The following GRIA1 variants were observed in gnomAD, a reference collection of about 807,000 sequenced individuals.
The protein encoded by GRIA1 is glutamate receptor 1.
Under a neutral mutation model 99.2 loss-of-function variants are expected in GRIA1, and 31 were observed. The ratio of observed to expected loss-of-function variants is 0.31; its 90% CI spans 0.23 to 0.42. GRIA1 has a LOEUF of 0.42. GRIA1 is among the 10% of genes least tolerant of loss of function. The probability of loss-of-function intolerance (pLI) is 1.00; values close to 1 mark genes in which losing one functional copy is unlikely to be tolerated. For missense variants in GRIA1, 782 were observed against 1,157.5 expected, an observed-to-expected ratio of 0.68 and a Z score of 4.71; for synonymous variants, 438 against 432.4, an observed-to-expected ratio of 1.01 and a Z score of -0.16.
intron 2 of GRIA1, among the ~76,000 whole-genome samples, chr5:153,643,005 T>C (rs868401398): frequency 2.0e-5 from 3 of 152,250 alleles, no homozygotes; most frequent in Middle Eastern, 3.4e-3. Flanking sequence ...GCACAACTCC[T>C]GCAGAGTAGT....
intron 10 of GRIA1, among the ~76,000 whole-genome samples, chr5:153,704,083 T>C (rs1018066216): frequency 9.2e-5 from 14 of 152,372 alleles, no homozygotes; most frequent in African/African-American, 3.4e-4. Context: ...ATGGAAAGTT[T>C]CTTTCTACAA....
chr5:153,554,555 G>A (rs534628685), intron 2 of GRIA1, among the ~76,000 whole-genome samples: 129 of 152,262 alleles, frequency 8.5e-4, no homozygotes, highest in Non-Finnish European at 1.4e-3. Context: ...ATGCAGTGGC[G>A]TGATCTTGGC....
intron 2 of GRIA1, among the ~76,000 whole-genome samples, chr5:153,602,861 T>C (rs79431546): frequency 0.23 from 35,283 of 152,094 alleles, 4,519 homozygotes; most frequent in Non-Finnish European, 0.3. Context: ...AGCTATCTAA[T>C]AGTCACAACC....
chr5:153,502,472 AG>A (rs1286767375), intron 2 of GRIA1, among the ~76,000 whole-genome samples: 66 of 152,322 alleles, frequency 4.3e-4, no homozygotes, highest in African/African-American at 1.5e-3. Flanking sequence ...GGTGAAAATC[AG>A]GTGTAAGTCC....
At chr5:153,552,817 TC>T (rs1395494899) in intron 2 of GRIA1, among the ~76,000 whole-genome samples, 1 of 152,184 alleles carries the variant, frequency 6.6e-6, no homozygotes, top group African/African-American at 2.4e-5. Flanking sequence ...GCCTAAGAGA[TC>T]TTCTGGTCTG....
chr5:153,615,599 G>A (rs960718549), intron 2 of GRIA1, among the ~76,000 whole-genome samples: 2 of 152,164 alleles, frequency 1.3e-5, no homozygotes, highest in Admixed American at 6.5e-5. Flanking sequence ...AGCTATGATT[G>A]CACCTCTACA....
chr5:153,504,379 G>A (rs1443771773), intron 2 of GRIA1, among the ~76,000 whole-genome samples: 1 of 151,326 alleles, frequency 6.6e-6, no homozygotes, highest in Non-Finnish European at 1.5e-5. Context: ...ATATATAGAT[G>A]TAAATGTATT....
intron 2 of GRIA1, among the ~76,000 whole-genome samples, chr5:153,505,129 G>T (rs1022821844): frequency 1.3e-5 from 2 of 152,174 alleles, no homozygotes; most frequent in Admixed American, 6.5e-5. Context: ...GGCAAACAGG[G>T]CAGTATGGTT....
intron 2 of GRIA1, among the ~76,000 whole-genome samples, chr5:153,504,726 G>A (rs2113266297): frequency 6.6e-6 from 1 of 152,226 alleles, no homozygotes; most frequent in Admixed American, 6.5e-5. Flanking sequence ...AGAACAGTTA[G>A]AAAGTGCTAG....
chr5:153,768,867 G>C (rs983099738), intron 12 of GRIA1, among the ~76,000 whole-genome samples: 2 of 152,130 alleles, frequency 1.3e-5, no homozygotes, highest in African/African-American at 4.8e-5. Context: ...TGTCCATTTA[G>C]AAAACATTTG....
At chr5:153,775,878 G>C (rs1054456089) in intron 13 of GRIA1, among the ~76,000 whole-genome samples, 1 of 147,548 alleles carries the variant, frequency 6.8e-6, no homozygotes, top group Admixed American at 6.9e-5. Context: ...GGGCTGAAGA[G>C]GAAAAGAGAG....
chr5:153,547,435 T>G (rs962899067), intron 2 of GRIA1, among the ~76,000 whole-genome samples: 7 of 152,198 alleles, frequency 4.6e-5, no homozygotes, highest in African/African-American at 1.4e-4. Context: ...TGGGGCATGA[T>G]AGCTGACCCT....
intron 1 of GRIA1, chr5:153,491,480 T>G: frequency 4.5e-6 from 1 of 224,374 alleles, no homozygotes; most frequent in Non-Finnish European, 7.5e-6. Flanking sequence ...CTGGGTATAT[T>G]GCAGCCACTG....
intron 15 of GRIA1, among the ~76,000 whole-genome samples, chr5:153,810,794 T>C (rs539900144): frequency 7.9e-5 from 12 of 152,320 alleles, no homozygotes; most frequent in Non-Finnish European, 1.6e-4. Context: ...TCACCCAATC[T>C]AACACACTTC....
chr5:153,708,379 CT>C (rs1447793355), intron 11 of GRIA1, among the ~76,000 whole-genome samples: 3 of 152,100 alleles, frequency 2.0e-5, no homozygotes, highest in Admixed American at 1.3e-4. Context: ...TCAAACTATG[CT>C]TTCCGGACTT....
chr5:153,801,855 G>A (rs1766048653), intron 14 of GRIA1, among the ~76,000 whole-genome samples: 1 of 146,044 alleles, frequency 6.8e-6, no homozygotes, highest in Non-Finnish European at 1.5e-5. Context: ...CACATCTAGG[G>A]GAAAGTTCAT....
chr5:153,576,867 G>T (rs897657079), intron 2 of GRIA1, among the ~76,000 whole-genome samples: 7 of 152,100 alleles, frequency 4.6e-5, no homozygotes, highest in African/African-American at 1.7e-4. Context: ...CTCTTTATAC[G>T]AATGAGTTGC....
intron 13 of GRIA1, among the ~76,000 whole-genome samples, chr5:153,792,614 G>A (rs1353582732): frequency 1.3e-5 from 2 of 152,318 alleles, no homozygotes; most frequent in East Asian, 3.9e-4. Flanking sequence ...ACTTACCCTA[G>A]CATTGAGCCT....
intron 11 of GRIA1, among the ~76,000 whole-genome samples, chr5:153,708,871 C>A (rs1759108658): frequency 6.6e-6 from 1 of 152,162 alleles, no homozygotes; most frequent in Non-Finnish European, 1.5e-5. Flanking sequence ...CTGACAGACA[C>A]AAGAGTGAAC....
Sources: gnomAD v4.1 joint callset for allele counts (sites outside exome capture counted in the v4.1 genomes callset) on GRCh38, gnomAD v4.1.1 for gene constraint, MANE v1.5 for transcripts, NCBI Gene and HGNC (gene_info 2026-07-23, HGNC 2026-07-21) for gene names.